Variants in SOX6 observed in about 807,000 individuals in gnomAD.
The protein encoded by SOX6 is SRY-box transcription factor 6, also known as transcription factor SOX-6.
SOX6 carries 11 observed loss-of-function variants against 97.8 expected under a neutral mutation model. That is an observed-to-expected ratio of 0.11 (90% CI 0.07 to 0.19). The LOEUF (loss-of-function observed/expected upper bound fraction) is 0.19. SOX6 is among the 10% of genes least tolerant of loss of function. The pLI is 1.00. For synonymous variants in SOX6, 360 were observed against 371.4 expected (o/e 0.97, Z 0.35); for missense variants, 810 against 1,039.5 (o/e 0.78, Z 3.04).
intron 3 of SOX6, among the ~76,000 whole-genome samples, chr11:16,708,484 C>A (rs1029207164): frequency 1.3e-5 from 2 of 152,036 alleles, no homozygotes; most frequent in Non-Finnish European, 2.9e-5. Context: ...AAAAATATAC[C>A]TACATTTTTT....
At chr11:15,988,856 C>T (rs554107102) in intron 14 of SOX6, 141 bp downstream of exon 14, 5 of 776,372 alleles carry the variant, frequency 6.4e-6, no homozygotes, top group South Asian at 1.6e-5. Flanking sequence ...AAGGCTCCTG[C>T]GGCAGCTGGC....
At chr11:16,197,649 A>G (rs1851818604) in intron 4 of SOX6, among the ~76,000 whole-genome samples, 1 of 152,218 alleles carries the variant, frequency 6.6e-6, no homozygotes, top group African/African-American at 2.4e-5. Flanking sequence ...ATTCCTGGGT[A>G]AAATAGGTGC....
intron 13 of SOX6, among the ~76,000 whole-genome samples, chr11:15,993,512 A>C (rs964476534): frequency 5.3e-5 from 8 of 152,162 alleles, no homozygotes; most frequent in Non-Finnish European, 1.0e-4. Context: ...CAGCTGACCT[A>C]AGAGTCTTTA....
chr11:16,284,292 T>C (rs1721536413), intron 3 of SOX6, among the ~76,000 whole-genome samples: 1 of 152,152 alleles, frequency 6.6e-6, no homozygotes, highest in Non-Finnish European at 1.5e-5. Context: ...TCAGGAATGA[T>C]TTAACAATTT....
At chr11:16,604,888 C>A (rs1848315582) in intron 4 of SOX6, among the ~76,000 whole-genome samples, 1 of 152,210 alleles carries the variant, frequency 6.6e-6, no homozygotes, top group Non-Finnish European at 1.5e-5. Flanking sequence ...CACACCAATT[C>A]TTTTTATCTT....
Position 16,036,039 on chromosome 11 carries a change from TA to T in SOX6, c.1623+10474del, listed in dbSNP as rs1190717369. ...TCATCTATAAAATGAGCGGCTGTAC[TA>T]AATGATCTCTAAGGGCTCTTTTAGC... On this transcript the variant is annotated intron_variant, in intron 12 of 15. Transcript: ENST00000683767. 2.0e-5 allele frequency among the ~76,000 whole-genome samples: 3 copies of T among 151,818 alleles called. No individual in the cohort carries two copies. The East Asian group carries it at 5.8e-4, about 29-fold the overall frequency.
At chr11:16,531,336 G>A (rs922608808) in intron 4 of SOX6, among the ~76,000 whole-genome samples, 3 of 151,398 alleles carry the variant, frequency 2.0e-5, no homozygotes, top group African/African-American at 7.3e-5. Flanking sequence ...GCCCCCATTT[G>A]AAGATAAGCA....
chr11:16,019,550 A>G (rs1854992593), intron 12 of SOX6, among the ~76,000 whole-genome samples: 2 of 152,100 alleles, frequency 1.3e-5, no homozygotes, highest in Admixed American at 6.6e-5. Flanking sequence ...ATAAACCTAA[A>G]TCTGTGTTAT....
intron 3 of SOX6, among the ~76,000 whole-genome samples, chr11:16,644,864 A>G (rs1441159482): frequency 6.6e-6 from 1 of 152,162 alleles, no homozygotes; most frequent in Non-Finnish European, 1.5e-5. Flanking sequence ...CTCACTTTTC[A>G]TTGGCAAAAT....
At chr11:15,997,714 G>A (rs1021807086) in intron 13 of SOX6, among the ~76,000 whole-genome samples, 2 of 152,086 alleles carry the variant, frequency 1.3e-5, no homozygotes, top group Non-Finnish European at 2.9e-5. Context: ...AAAACCTACA[G>A]GTAACATCAT....
chr11:16,140,330 C>A (rs2134037836), intron 6 of SOX6, among the ~76,000 whole-genome samples: 1 of 152,142 alleles, frequency 6.6e-6, no homozygotes. Context: ...GGAAGAAAAG[C>A]CCTAATATGT....
In SOX6 at chr11:16,055,891, G is replaced by A; in HGVS notation, c.1112C>T (p.Ala371Val). ...CACCTGCATGCTGGCCAGCTGAGCGGCATAGAGCTGCTGCAAAACAGGGAA... is the reference window on the plus strand; with the variant it reads ...CACCTGCATGCTGGCCAGCTGAGCGACATAGAGCTGCTGCAAAACAGGGAA... ...YNHKQIEQLY[A>V]AQLASMQVSP... Residue 371 changes from alanine to valine, a missense_variant, in exon 10 of 16, where the codon GCC (alanine) becomes GTC (valine). By Grantham distance (64) the Ala-to-Val change is moderately conservative. Transcript: ENST00000683767. 2 of 1,613,542 alleles carry A rather than the reference G, an allele frequency of 1.2e-6. No individual in the cohort carries two copies. The highest frequency in any genetic ancestry group is 8.5e-7 in the Non-Finnish European group (1 of 1,179,746).
chr11:16,358,997 A>G (rs1195443179), upstream of SOX6, among the ~76,000 whole-genome samples: 1 of 152,180 alleles, frequency 6.6e-6, no homozygotes, highest in Non-Finnish European at 1.5e-5. Flanking sequence ...TAAATAAGAC[A>G]GCAACTTCCC....
intron 3 of SOX6, among the ~76,000 whole-genome samples, chr11:16,296,166 A>G (rs1217559166): frequency 2.6e-5 from 4 of 152,088 alleles, no homozygotes; most frequent in African/African-American, 7.2e-5. Context: ...ACACTTCCAC[A>G]TCCTTAATGT....
intron 6 of SOX6, among the ~76,000 whole-genome samples, chr11:16,150,086 T>C (rs1850421430): frequency 6.6e-6 from 1 of 152,160 alleles, no homozygotes; most frequent in Admixed American, 6.6e-5. Flanking sequence ...CATAAGTATA[T>C]TGAGGCTAGA....
At chr11:16,540,551 T>A (rs901948432) in intron 4 of SOX6, among the ~76,000 whole-genome samples, 5 of 152,172 alleles carry the variant, frequency 3.3e-5, no homozygotes, top group Non-Finnish European at 5.9e-5. Context: ...GCACATAACA[T>A]GATTGTATAT....
Position 16,125,785 on chromosome 11 carries a change from T to C in SOX6, c.778-13862A>G, listed in dbSNP as rs540849933. ...GAATTCAAAATGGGAAATGTATACA[T>C]TGAAACTTTCACATGTTCTTAAAGA... On this transcript the variant is annotated intron_variant, in intron 6 of 15. Coordinates refer to ENST00000683767, the MANE Select transcript of SOX6 (RefSeq NM_001367873.1). Among the ~76,000 whole-genome samples, 6 of 144,874 alleles carry C rather than the reference T, an allele frequency of 4.1e-5. 1 individual carries two copies. Among genetic ancestry groups the C allele is most frequent in the South Asian group, 4.3e-4 (2 of 4,652 alleles).
At chr11:15,992,487 C>G (rs1480309589) in intron 13 of SOX6, among the ~76,000 whole-genome samples, 1 of 152,126 alleles carries the variant, frequency 6.6e-6, no homozygotes, top group Non-Finnish European at 1.5e-5. Context: ...ATATGTAGTA[C>G]TCTAACACTA....
intron 1 of SOX6, among the ~76,000 whole-genome samples, chr11:16,449,324 G>T (rs555585590): frequency 3.7e-5 from 4 of 108,834 alleles, no homozygotes; most frequent in African/African-American, 1.5e-4. Context: ...ACGGAGTCTC[G>T]CTGTGTCGCC....
Sources: allele counts gnomAD v4.1 joint callset (sites outside exome capture counted in the v4.1 genomes callset), GRCh38; gene constraint gnomAD v4.1.1; transcripts MANE v1.5; gene names NCBI Gene and HGNC (gene_info 2026-07-23, HGNC 2026-07-21).